ATG10: variants seen among roughly 807,000 people sequenced by gnomAD.
ATG10 encodes the protein ubiquitin-like-conjugating enzyme ATG10.
ATG10 carries 30 observed loss-of-function variants against 32.1 expected under a neutral mutation model. The ratio of observed to expected loss-of-function variants is 0.94; its 90% CI spans 0.70 to 1.27. The LOEUF (loss-of-function observed/expected upper bound fraction) is 1.27. Among genes scored for constraint, ATG10 ranks in the 50% most tolerant of loss-of-function variants. ATG10 has a pLI of 0.00. For synonymous variants in ATG10, 87 were observed against 91.5 expected (o/e 0.95, Z 0.28); for missense variants, 233 against 262.3 (o/e 0.89, Z 0.77).
At chr5:82,118,387 CATATATAT>C (rs71605823) in intron 3 of ATG10, among the ~76,000 whole-genome samples, 1 of 80,724 alleles carries the variant, frequency 1.2e-5, no homozygotes, top group African/African-American at 5.5e-5. Flanking sequence ...AATATATGTA[CATATATAT>C]ATATATATAT....
chr5:82,140,198 G>T (rs1196467008), intron 3 of ATG10, among the ~76,000 whole-genome samples: 115 of 56,440 alleles, frequency 2.0e-3, no homozygotes, highest in South Asian at 4.4e-3. Flanking sequence ...GAGGTGGGGG[G>T]GTCAGCCCCC....
intron 3 of ATG10, among the ~76,000 whole-genome samples, chr5:82,116,523 T>G (rs1485442919): frequency 1.3e-5 from 2 of 152,138 alleles, no homozygotes; most frequent in African/African-American, 2.4e-5. Context: ...TTTATATGTA[T>G]ATTGCAAATG....
chr5:82,106,616 AG>A (rs1438966586), intron 3 of ATG10, among the ~76,000 whole-genome samples: 1 of 152,116 alleles, frequency 6.6e-6, no homozygotes. Context: ...AGAATTTATT[AG>A]AAAGGACACC....
chr5:82,108,844 A>G (rs371387687), intron 3 of ATG10, among the ~76,000 whole-genome samples: 1 of 151,992 alleles, frequency 6.6e-6, no homozygotes, highest in Non-Finnish European at 1.5e-5. Context: ...CATTGCCTCC[A>G]TAGATGTAAG....
At position 82,253,252 on chromosome 5, in the gene ATG10, AC is replaced by A. The variant is rs1285526217; in HGVS notation, c.552-60del. 3 of 1,111,986 alleles carry A rather than the reference AC, an allele frequency of 2.7e-6. No homozygotes were observed. The Admixed American group carries it at 5.2e-5, about 19-fold the overall frequency. The allele number at this position is 1,111,986 out of a possible 1,614,324, so 68.9% of individuals were successfully genotyped here. ...ATTGTTGGTGACCAACTGATGTTCT[AC>A]CATTCATCCAAAAACTACAATGGAA... On this transcript the variant is annotated intron_variant, in intron 6 of 7. Coordinates refer to ENST00000282185, the MANE Select transcript of ATG10 (RefSeq NM_031482.5).
At chr5:82,190,106 A>T (rs1182359453) in intron 5 of ATG10, among the ~76,000 whole-genome samples, 1 of 152,206 alleles carries the variant, frequency 6.6e-6, no homozygotes, top group East Asian at 1.9e-4. Context: ...TTCTGTATGG[A>T]TCTGAGCATC....
At chr5:82,136,896 GCTTTGTTCATTC>G (rs912381590) in intron 3 of ATG10, among the ~76,000 whole-genome samples, 2 of 152,036 alleles carry the variant, frequency 1.3e-5, no homozygotes, top group Non-Finnish European at 2.9e-5. Context: ...TTTCTTGGAG[GCTTTGTTCATTC>G]CTTTTCATTC....
intron 3 of ATG10, among the ~76,000 whole-genome samples, chr5:82,079,577 C>T (rs1439785228): frequency 2.0e-5 from 3 of 151,958 alleles, no homozygotes; most frequent in South Asian, 2.1e-4. Flanking sequence ...CAAGTGTTCT[C>T]ATTGTTCAAT....
chr5:82,246,622 T>C (rs1747048160), intron 5 of ATG10, among the ~76,000 whole-genome samples: 1 of 152,124 alleles, frequency 6.6e-6, no homozygotes, highest in African/African-American at 2.4e-5. Flanking sequence ...TTTGTACCAT[T>C]ATTGTCATGT....
At chr5:82,097,788 C>G (rs538031394) in intron 3 of ATG10, among the ~76,000 whole-genome samples, 36 of 152,232 alleles carry the variant, frequency 2.4e-4, no homozygotes, top group Non-Finnish European at 4.7e-4. Context: ...ATTGGGGTGT[C>G]ATTTACCGTA....
At chr5:81,980,074 T>C (rs1760992745) in intron 1 of ATG10, among the ~76,000 whole-genome samples, 1 of 152,200 alleles carries the variant, frequency 6.6e-6, no homozygotes, top group Non-Finnish European at 1.5e-5. Context: ...TACATCTCTC[T>C]GTTGCCTTGA....
intron 5 of ATG10, among the ~76,000 whole-genome samples, chr5:82,221,050 C>A (rs1745906322): frequency 6.6e-6 from 1 of 152,212 alleles, no homozygotes; most frequent in African/African-American, 2.4e-5. Flanking sequence ...AGCCACTGTG[C>A]CCGGCCTTCC....
At chr5:82,131,083 G>T (rs375417311) in intron 3 of ATG10, among the ~76,000 whole-genome samples, 1 of 152,090 alleles carries the variant, frequency 6.6e-6, no homozygotes, top group East Asian at 1.9e-4. Context: ...GGGGTGGAAG[G>T]AGTGGGGTAG....
intron 2 of ATG10, among the ~76,000 whole-genome samples, chr5:82,040,699 T>A (rs1763058948): frequency 6.6e-6 from 1 of 152,214 alleles, no homozygotes; most frequent in Non-Finnish European, 1.5e-5. Context: ...AATTACAGAT[T>A]TTTTTCCACT....
At chr5:82,194,512 C>T (rs944070066) in intron 5 of ATG10, among the ~76,000 whole-genome samples, 4 of 151,960 alleles carry the variant, frequency 2.6e-5, no homozygotes, top group African/African-American at 4.8e-5. Context: ...AGAGAGTTAT[C>T]GGGAATATGT....
chr5:81,985,213 A>G (rs954681002), intron 1 of ATG10, among the ~76,000 whole-genome samples: 1 of 152,204 alleles, frequency 6.6e-6, no homozygotes, highest in South Asian at 2.1e-4. Context: ...TAAAAATATT[A>G]CTAAGTATAT....
chr5:82,016,981 C>T (rs141541214), intron 2 of ATG10, among the ~76,000 whole-genome samples: 671 of 152,272 alleles, frequency 4.4e-3, no homozygotes, highest in South Asian at 7.9e-3. Flanking sequence ...TGAGCCACTG[C>T]GCCCAGCCCC....
intron 6 of ATG10, 112 bp from the exon 7 acceptor site, chr5:82,253,202 C>T: frequency 1.4e-6 from 1 of 731,836 alleles, no homozygotes; most frequent in Non-Finnish European, 2.4e-6. Flanking sequence ...AGGTACAAAT[C>T]TTTGAAGAAA....
intron 2 of ATG10, among the ~76,000 whole-genome samples, chr5:82,047,867 T>C (rs1763278845): frequency 6.6e-6 from 1 of 152,188 alleles, no homozygotes; most frequent in Non-Finnish European, 1.5e-5. Context: ...CGTTAAAGTC[T>C]TTAATCCACC....
Sources: gnomAD v4.1 joint callset for allele counts (sites outside exome capture counted in the v4.1 genomes callset) on GRCh38, gnomAD v4.1.1 for gene constraint, MANE v1.5 for transcripts, NCBI Gene and HGNC (gene_info 2026-07-23, HGNC 2026-07-21) for gene names.